PPCDC: variants seen among roughly 807,000 people sequenced by gnomAD.
PPCDC encodes the protein phosphopantothenoylcysteine decarboxylase.
In PPCDC, 20 loss-of-function variants were observed where a neutral mutation model predicts 20.7. The observed-to-expected ratio is 0.97, with a 90% CI of 0.68 to 1.41. The LOEUF is 1.41. PPCDC is among the 40% of genes most tolerant of loss of function. The probability of loss-of-function intolerance (pLI) is 0.00; values close to 1 mark genes in which losing one functional copy is unlikely to be tolerated. For missense variants in PPCDC, 246 were observed against 263.8 expected (o/e 0.93, Z 0.47); for synonymous variants, 88 against 100.3 (o/e 0.88, Z 0.73).
rs777423510 is a variant in PPCDC, at chr15:75,049,995, A to G, written c.*760A>G. On this transcript the variant is annotated 3_prime_UTR_variant, in exon 6 of 6. Transcript: ENST00000342932. ...CTTCACTTACCTCAGCTATCTTGTT[A>G]TCCTACCCTCAGGGAGTTGTTGAGA... 2.0e-5 allele frequency: 3 copies of G among 152,200 alleles called. No individual in the cohort carries two copies. The highest frequency in any genetic ancestry group is 4.4e-5 in the Non-Finnish European group (3 of 68,048). 9.4% of individuals were successfully genotyped at this position (152,200 alleles called of 1,614,324 possible). A position where few individuals can be genotyped will look rare whatever the true frequency, so the allele number is the denominator to read the frequency against.
At chr15:75,044,695 A>G in intron 4 of PPCDC, 181 bp downstream of exon 4, 2 of 810,372 alleles carry the variant, frequency 2.5e-6, no homozygotes, top group East Asian at 6.1e-5. Context: ...ACATGGGCAC[A>G]GCCCTGGTCC....
intron 1 of PPCDC, among the ~76,000 whole-genome samples, chr15:75,024,182 G>A (rs1032992840): frequency 6.6e-6 from 1 of 152,200 alleles, no homozygotes; most frequent in Admixed American, 6.5e-5. Context: ...TGGTGAGCAG[G>A]AGAGGTTGCC....
chr15:75,035,119 T>A (rs1336081968), intron 2 of PPCDC, among the ~76,000 whole-genome samples: 1 of 152,194 alleles, frequency 6.6e-6, no homozygotes, highest in Non-Finnish European at 1.5e-5. Context: ...TGCCACACCC[T>A]ACGGCACAGG....
intron 2 of PPCDC, among the ~76,000 whole-genome samples, chr15:75,032,664 G>A (rs972386435): frequency 4.0e-5 from 6 of 150,384 alleles, no homozygotes; most frequent in Admixed American, 3.3e-4. Flanking sequence ...TCTCTGTGCT[G>A]AAGGGAGCAA....
chr15:75,040,478 A>T (rs572279395), intron 2 of PPCDC, among the ~76,000 whole-genome samples: 2 of 152,200 alleles, frequency 1.3e-5, no homozygotes, highest in South Asian at 4.1e-4. Context: ...TTTAACCTTT[A>T]TATGTTCTTT....
At chr15:75,030,046 C>T (rs2066003496) in intron 2 of PPCDC, among the ~76,000 whole-genome samples, 1 of 152,180 alleles carries the variant, frequency 6.6e-6, no homozygotes, top group Non-Finnish European at 1.5e-5. Flanking sequence ...TTAGCCTGGG[C>T]CCCATGGGAT....
At chr15:75,046,802 C>G (rs527734113) in intron 4 of PPCDC, among the ~76,000 whole-genome samples, 1 of 152,376 alleles carries the variant, frequency 6.6e-6, no homozygotes, top group East Asian at 1.9e-4. Context: ...TAGGTGTGAC[C>G]GTGCTCCTGG....
chr15:75,049,719 G>A lies in PPCDC; in HGVS notation c.*484G>A, dbSNP rs1260481693. The stretch of plus-strand genomic sequence containing the variant: ...CATGCCATGAGATTGAAGGTGCGGG[G>A]AAATAAAGAAAAATCACCATTTAGG... On this transcript the variant is annotated 3_prime_UTR_variant, in exon 6 of 6. Transcript: ENST00000342932. 1 of 156,924 alleles carries A rather than the reference G, an allele frequency of 6.4e-6. No homozygotes were observed. The highest frequency in any genetic ancestry group is 1.9e-4 in the South Asian group (1 of 5,310). The allele number at this position is 156,924 out of a possible 1,614,324, so 9.7% of individuals were successfully genotyped here. A position where few individuals can be genotyped will look rare whatever the true frequency, so the allele number is the denominator to read the frequency against.
intron 1 of PPCDC, among the ~76,000 whole-genome samples, chr15:75,024,950 GTC>G (rs758691079): frequency 1.3e-5 from 2 of 149,706 alleles, no homozygotes; most frequent in Admixed American, 6.6e-5. Flanking sequence ...TTTTGAAATG[GTC>G]TCTCTCTGTC....
rs190670162 is a variant in PPCDC at position 75,043,290 on chromosome 15, A to G, written c.136-151A>G. On this transcript the variant is annotated intron_variant, in intron 2 of 5. Transcript: ENST00000342932. ...TGACAGCAGAAGTAGCTAAGCAGAC[A>G]TGAGGCTTGCAGCTAAGGAGGGAAG... 505 of 633,670 alleles carry G rather than the reference A, an allele frequency of 8.0e-4. 2 individuals are homozygous for G. In the African/African-American group the frequency reaches 8.4e-3, roughly 11 times the overall value. The allele number at this position is 633,670 out of a possible 1,614,324, so 39.3% of individuals were successfully genotyped here.
intron 3 of PPCDC, 94 bp downstream of exon 3, chr15:75,043,630 A>C (rs1307664651): frequency 2.6e-6 from 3 of 1,150,864 alleles, no homozygotes; most frequent in African/African-American, 3.1e-5. Context: ...CAGCTGGAAC[A>C]GACAGGCTGG....
intron 2 of PPCDC, among the ~76,000 whole-genome samples, chr15:75,030,526 G>A (rs1220655066): frequency 2.6e-5 from 4 of 152,188 alleles, no homozygotes; most frequent in Non-Finnish European, 5.9e-5. Flanking sequence ...TAGGGCCCTC[G>A]TGAGGTGTTG....
intron 1 of PPCDC, 81 bp from the exon 2 acceptor site, chr15:75,028,166 G>C: frequency 9.7e-7 from 1 of 1,033,392 alleles, no homozygotes; most frequent in South Asian, 1.8e-5. Context: ...CTCAGCCTCT[G>C]GCCTGGGGCC....
At chr15:75,047,751 G>C (rs2066256794) in intron 4 of PPCDC, among the ~76,000 whole-genome samples, 1 of 152,252 alleles carries the variant, frequency 6.6e-6, no homozygotes, top group Non-Finnish European at 1.5e-5. Flanking sequence ...CTGGCCTTCA[G>C]TCCCATGTCC....
chr15:75,030,168 C>T (rs1437203731), intron 2 of PPCDC, among the ~76,000 whole-genome samples: 2 of 152,232 alleles, frequency 1.3e-5, no homozygotes, highest in African/African-American at 2.4e-5. Context: ...CCGACTCAGC[C>T]TCTTGGAGCT....
At chr15:75,032,768 AG>A (rs1283484344) in intron 2 of PPCDC, among the ~76,000 whole-genome samples, 1 of 121,778 alleles carries the variant, frequency 8.2e-6, no homozygotes. Context: ...GTTTTTGTAT[AG>A]CCTACAGCTA....
At position 75,043,549 on chromosome 15, in the gene PPCDC, G is replaced by A. The variant is rs1379317802; in HGVS notation, c.231+13G>A. The A allele has an allele frequency of 6.3e-7, 1 of 1,593,202 alleles. No individual in the cohort carries two copies. Among genetic ancestry groups the A allele is most frequent in the African/African-American group, 1.3e-5 (1 of 74,330 alleles). On this transcript the variant is annotated intron_variant, in intron 3 of 5. Transcript: ENST00000342932. ...TGATGAATGGGAGGTCAGTGCTGGG[G>A]CCCCTGGGCTGAGTTCCATTGAGTT...
chr15:75,038,380 C>T (rs2066111007), intron 2 of PPCDC, among the ~76,000 whole-genome samples: 1 of 152,276 alleles, frequency 6.6e-6, no homozygotes, highest in African/African-American at 2.4e-5. Context: ...GGATTGAGCT[C>T]TCAGGAGCTC....
At chr15:75,047,431 G>C (rs777501166) in intron 4 of PPCDC, among the ~76,000 whole-genome samples, 1 of 152,160 alleles carries the variant, frequency 6.6e-6, no homozygotes, top group African/African-American at 2.4e-5. Flanking sequence ...CTGTCCTGTC[G>C]GGGCATTGTT....
Sources: gnomAD v4.1 joint callset for allele counts (sites outside exome capture counted in the v4.1 genomes callset) on GRCh38, gnomAD v4.1.1 for gene constraint, MANE v1.5 for transcripts, NCBI Gene and HGNC (gene_info 2026-07-23, HGNC 2026-07-21) for gene names.